The following DPP6 variants were observed in gnomAD, a reference collection of about 807,000 sequenced individuals.
DPP6 encodes the protein dipeptidyl peptidase like 6.
In DPP6, 69 loss-of-function variants were observed where a neutral mutation model predicts 122.6. The observed-to-expected ratio is 0.56, with a 90% CI of 0.46 to 0.69. The LOEUF is 0.69. DPP6 is among the 30% of genes least tolerant of loss of function. The probability of loss-of-function intolerance (pLI) is 0.00; values close to 1 mark genes in which losing one functional copy is unlikely to be tolerated. For missense variants in DPP6, 928 were observed against 1,116.9 expected, an observed-to-expected ratio of 0.83 and a Z score of 2.41; for synonymous variants, 418 against 433.1, an observed-to-expected ratio of 0.97 and a Z score of 0.43.
intron 10 of DPP6, among the ~76,000 whole-genome samples, chr7:154,785,498 A>C (rs1047703890): frequency 6.6e-6 from 1 of 152,196 alleles, no homozygotes; most frequent in Non-Finnish European, 1.5e-5. Flanking sequence ...TTACCTTTTT[A>C]CATTTAAATA....
chr7:154,837,740 G>GT (rs1417894884), intron 16 of DPP6, among the ~76,000 whole-genome samples: 1 of 152,198 alleles, frequency 6.6e-6, no homozygotes, highest in African/African-American at 2.4e-5. Flanking sequence ...CAAAATCTCT[G>GT]TATTTCTTTC....
intron 2 of DPP6, among the ~76,000 whole-genome samples, chr7:154,453,514 A>G (rs1820568209): frequency 6.7e-6 from 1 of 150,012 alleles, no homozygotes. Context: ...ATATACATAT[A>G]GGATATATAT....
intron 1 of DPP6, among the ~76,000 whole-genome samples, chr7:154,085,385 G>C (rs1407462244): frequency 1.3e-5 from 2 of 152,120 alleles, no homozygotes; most frequent in African/African-American, 2.4e-5. Flanking sequence ...ACCGTTCACT[G>C]TCTTCTGACA....
At chr7:154,733,161 G>T (rs1430368988) in intron 8 of DPP6, among the ~76,000 whole-genome samples, 1 of 152,228 alleles carries the variant, frequency 6.6e-6, no homozygotes, top group East Asian at 1.9e-4. Context: ...ACCTTCACTG[G>T]GTGGCCAGCA....
upstream of DPP6, among the ~76,000 whole-genome samples, chr7:154,048,800 G>A (rs940839173): frequency 8.4e-6 from 1 of 119,486 alleles, no homozygotes; most frequent in Non-Finnish European, 1.9e-5. Flanking sequence ...TAAAAATCAT[G>A]CTTAGGCTGC....
chr7:154,218,160 G>A (rs1460051139), intron 1 of DPP6, among the ~76,000 whole-genome samples: 1 of 152,186 alleles, frequency 6.6e-6, no homozygotes, highest in Non-Finnish European at 1.5e-5. Flanking sequence ...CACTGTCTTT[G>A]AATAGAGGGT....
At chr7:154,256,819 A>G (rs1173641110) in intron 1 of DPP6, among the ~76,000 whole-genome samples, 1 of 152,184 alleles carries the variant, frequency 6.6e-6, no homozygotes, top group African/African-American at 2.4e-5. Context: ...TGTGCATTTC[A>G]GATGTCAGCC....
intron 7 of DPP6, among the ~76,000 whole-genome samples, chr7:154,710,894 A>G (rs1452881274): frequency 6.6e-6 from 1 of 152,254 alleles, no homozygotes; most frequent in Non-Finnish European, 1.5e-5. Flanking sequence ...AGCCAGTTCC[A>G]TGGCCAGCCA....
chr7:153,886,162 T>C (rs543293597), upstream of DPP6, among the ~76,000 whole-genome samples: 9 of 140,656 alleles, frequency 6.4e-5, no homozygotes, highest in South Asian at 1.9e-3. Flanking sequence ...CAGCCTGATG[T>C]GTCTATCAGC....
rs74457762 is a variant in DPP6, at chr7:154,875,647, C to A, written c.1884-259C>A. Among the ~76,000 whole-genome samples the A allele has an allele frequency of 0.028, 4,217 of 152,222 alleles. 176 individuals carry two copies. The highest frequency in any genetic ancestry group is 0.093 in the African/African-American group (3,853 of 41,520). ...CAAATAGATGCTTTTTGGTGGCCGT[C>A]CCAGACAGCGCCGGTGTGTGTAGGG... On this transcript the variant is annotated intron_variant, in intron 19 of 25. Transcript: ENST00000377770. This position sits in a 1 kb window ranked among gnomAD's most constrained non-coding sequence, Gnocchi z 4.5.
rs1259276996 is a variant in DPP6, at chr7:154,062,569, GGGGAGGCACCCTCCGCTAGGCAGGGAC to G, written c.243+9507_243+9533del. ...GCTTTTGGTACCCCCATCGCAGGGG[GGGGAGGCACCCTCCGCTAGGCAGGGAC>G]TGAGAGCCAACCCCTGGTTCCCCCA... On this transcript the variant is annotated intron_variant, in intron 1 of 25. Transcript: ENST00000377770. 2.2e-3 allele frequency among the ~76,000 whole-genome samples: 25 copies of G among 11,396 alleles called. 10 individuals are homozygous for G. Among genetic ancestry groups the G allele is most frequent in the Admixed American group, 4.4e-3 (8 of 1,808 alleles). 7.5% of individuals were successfully genotyped at this position (11,396 alleles called of 152,430 possible).
chr7:154,724,295 A>C (rs1841960538), intron 7 of DPP6, among the ~76,000 whole-genome samples: 1 of 151,936 alleles, frequency 6.6e-6, no homozygotes, highest in Non-Finnish European at 1.5e-5. Flanking sequence ...GTGTACCCCA[A>C]CTCTGCAGAT....
At chr7:154,156,331 G>C (rs1180000309) in intron 1 of DPP6, among the ~76,000 whole-genome samples, 1 of 152,174 alleles carries the variant, frequency 6.6e-6, no homozygotes, top group Non-Finnish European at 1.5e-5. Flanking sequence ...TTTTAAACAG[G>C]AGTCCTGAAA....
At chr7:153,973,632 C>CAT (rs1554423511) in intron 1 of DPP6, among the ~76,000 whole-genome samples, 1 of 113,420 alleles carries the variant, frequency 8.8e-6, no homozygotes, top group Non-Finnish European at 1.9e-5. Context: ...CACCATCGCT[C>CAT]GTGTGTGTGT....
chr7:153,833,289 C>T, the DPP6 span, among the ~76,000 whole-genome samples: 1 of 152,220 alleles, frequency 6.6e-6, no homozygotes, highest in Non-Finnish European at 1.5e-5. Flanking sequence ...CCACTCATGT[C>T]ATACGCAATC....
intron 7 of DPP6, among the ~76,000 whole-genome samples, chr7:154,705,455 A>T (rs1840775638): frequency 6.6e-6 from 1 of 152,124 alleles, no homozygotes; most frequent in Non-Finnish European, 1.5e-5. Flanking sequence ...TATGGCCAGG[A>T]AGACAAATCA....
chr7:154,314,273 A>G (rs952786655), intron 1 of DPP6, among the ~76,000 whole-genome samples: 30 of 152,186 alleles, frequency 2.0e-4, no homozygotes, highest in African/African-American at 6.8e-4. Context: ...AAAACAAAAT[A>G]TAGAAACACG....
At chr7:153,787,185 C>T in the DPP6 span, among the ~76,000 whole-genome samples, 2 of 136,198 alleles carry the variant, frequency 1.5e-5, 1 homozygote, top group African/African-American at 5.4e-5. Context: ...CTCCTAACCT[C>T]GTGATCCACC....
At chr7:153,865,505 A>T in the DPP6 span, among the ~76,000 whole-genome samples, 1 of 152,218 alleles carries the variant, frequency 6.6e-6, no homozygotes, top group African/African-American at 2.4e-5. Flanking sequence ...TTTTAGCTAC[A>T]GTCCAAATGA....
Sources: gnomAD v4.1 joint callset for allele counts (sites outside exome capture counted in the v4.1 genomes callset) on GRCh38, gnomAD v4.1.1 for gene constraint, Gnocchi (gnomAD v3.1) non-coding constraint, MANE v1.5 for transcripts, NCBI Gene and HGNC (gene_info 2026-07-23, HGNC 2026-07-21) for gene names.